The following ERBB4 variants were observed in gnomAD, a reference collection of about 807,000 sequenced individuals.
The protein encoded by ERBB4 is receptor tyrosine-protein kinase erbB-4.
ERBB4 carries 42 observed loss-of-function variants against 158.0 expected under a neutral mutation model. That is an observed-to-expected ratio of 0.27 (90% CI 0.21 to 0.34). The LOEUF (loss-of-function observed/expected upper bound fraction) is 0.34, where lower values mean the gene tolerates loss of function less well. Ranked by LOEUF, ERBB4 falls within the 10% of genes least tolerant of loss-of-function variation. The pLI is 1.00. For missense variants in ERBB4, 1,333 were observed against 1,624.1 expected (o/e 0.82, Z 3.08); for synonymous variants, 583 against 558.7 (o/e 1.04, Z -0.61).
intron 20 of ERBB4, among the ~76,000 whole-genome samples, chr2:211,452,517 T>C (rs1385467584): frequency 1.3e-5 from 2 of 152,286 alleles, no homozygotes; most frequent in East Asian, 3.9e-4. Flanking sequence ...CTTACCATTT[T>C]CTTCAAAATC....
At chr2:211,958,387 T>C (rs938839788) in intron 2 of ERBB4, among the ~76,000 whole-genome samples, 1 of 152,130 alleles carries the variant, frequency 6.6e-6, no homozygotes, top group African/African-American at 2.4e-5. Flanking sequence ...AGTATCCTTA[T>C]GCAAGTCACA....
At chr2:212,268,813 G>A (rs2085243034) in intron 1 of ERBB4, among the ~76,000 whole-genome samples, 1 of 151,778 alleles carries the variant, frequency 6.6e-6, no homozygotes, top group Admixed American at 6.6e-5. Flanking sequence ...TCATGAACTA[G>A]GAGGGATGCT....
chr2:211,964,217 C>A (rs1369113167), intron 2 of ERBB4, among the ~76,000 whole-genome samples: 2 of 152,148 alleles, frequency 1.3e-5, no homozygotes, highest in Non-Finnish European at 2.9e-5. Context: ...CAAGTGACAT[C>A]AATATCCCCT....
At chr2:211,887,279 CAG>C (rs1049675886) in intron 3 of ERBB4, among the ~76,000 whole-genome samples, 3 of 149,468 alleles carry the variant, frequency 2.0e-5, no homozygotes, top group East Asian at 1.9e-4. Context: ...CACACACACA[CAG>C]GTGAGAGAAA....
chr2:211,447,770 T>A (rs752399416), intron 20 of ERBB4, among the ~76,000 whole-genome samples: 3 of 152,158 alleles, frequency 2.0e-5, no homozygotes, highest in African/African-American at 7.2e-5. Context: ...TGTCAGGAGA[T>A]TCAAGCTATT....
At chr2:211,722,049 G>A (rs1442696945) in intron 7 of ERBB4, among the ~76,000 whole-genome samples, 1 of 152,088 alleles carries the variant, frequency 6.6e-6, no homozygotes, top group Non-Finnish European at 1.5e-5. Context: ...TTTCTGTAGA[G>A]ACGGGGTTTC....
intron 2 of ERBB4, among the ~76,000 whole-genome samples, chr2:212,038,314 A>G (rs1174057846): frequency 6.6e-6 from 1 of 152,210 alleles, no homozygotes; most frequent in Admixed American, 6.5e-5. Flanking sequence ...TAGTTCCTTC[A>G]TGATTAATTG....
intron 12 of ERBB4, 94 bp from the exon 13 acceptor site, chr2:211,679,278 T>TA: frequency 7.1e-7 from 1 of 1,403,684 alleles, no homozygotes; most frequent in Admixed American, 1.9e-5. Context: ...GGAGTTCACT[T>TA]AAAAGAGATA....
At chr2:212,098,109 T>C (rs1232088638) in intron 2 of ERBB4, among the ~76,000 whole-genome samples, 1 of 152,178 alleles carries the variant, frequency 6.6e-6, no homozygotes, top group Non-Finnish European at 1.5e-5. Context: ...AAAGTGCTGA[T>C]ACTGATACCA....
chr2:212,082,499 G>C (rs1435754091), intron 2 of ERBB4, among the ~76,000 whole-genome samples: 1 of 151,942 alleles, frequency 6.6e-6, no homozygotes, highest in Non-Finnish European at 1.5e-5. Context: ...CAGTAAAATG[G>C]CATATGTGGG....
intron 16 of ERBB4, among the ~76,000 whole-genome samples, chr2:211,639,787 T>C (rs975624603): frequency 6.6e-6 from 1 of 152,088 alleles, no homozygotes; most frequent in Non-Finnish European, 1.5e-5. Flanking sequence ...AGTGGCGCCA[T>C]CTTGGCTCAC....
At chr2:211,861,398 G>A (rs1473449021) in intron 3 of ERBB4, among the ~76,000 whole-genome samples, 12 of 121,340 alleles carry the variant, frequency 9.9e-5, no homozygotes, top group Non-Finnish European at 1.6e-4. Context: ...GTTTGGCTGT[G>A]TTGCCTAGGC....
chr2:211,692,305 T>C (rs2072853193), intron 12 of ERBB4, among the ~76,000 whole-genome samples: 2 of 152,212 alleles, frequency 1.3e-5, no homozygotes, highest in Admixed American at 1.3e-4. Context: ...AAAAGCTATT[T>C]CTTGGACTTC....
intron 3 of ERBB4, among the ~76,000 whole-genome samples, chr2:211,854,599 T>A (rs976548833): frequency 2.0e-5 from 3 of 152,120 alleles, no homozygotes; most frequent in Non-Finnish European, 2.9e-5. Flanking sequence ...TATGCTTTCA[T>A]CTCTATTCTC....
intron 3 of ERBB4, among the ~76,000 whole-genome samples, chr2:211,824,253 T>C (rs191868317): frequency 1.3e-5 from 2 of 152,170 alleles, no homozygotes; most frequent in East Asian, 3.9e-4. Context: ...AAACAGTATC[T>C]TGTAAATTAA....
chr2:211,668,834 T>G (rs937727819), intron 14 of ERBB4, among the ~76,000 whole-genome samples: 1 of 152,104 alleles, frequency 6.6e-6, no homozygotes, highest in Non-Finnish European at 1.5e-5. Context: ...AGACCCCATG[T>G]AGAAGTGGAA....
At chr2:211,459,401 C>T (rs1255069908) in intron 20 of ERBB4, among the ~76,000 whole-genome samples, 1 of 152,074 alleles carries the variant, frequency 6.6e-6, no homozygotes, top group Non-Finnish European at 1.5e-5. Context: ...GGATCAAAAC[C>T]AAAAGTGAAA....
chr2:211,821,213 T>C (rs910524734), intron 3 of ERBB4, among the ~76,000 whole-genome samples: 4 of 151,650 alleles, frequency 2.6e-5, no homozygotes, highest in Non-Finnish European at 5.9e-5. Flanking sequence ...AAAATCAACA[T>C]ACAAATAACA....
chr2:212,188,233 T>TCTCTCTC (rs1559691540), intron 1 of ERBB4, among the ~76,000 whole-genome samples: 2 of 16,574 alleles, frequency 1.2e-4, no homozygotes, highest in African/African-American at 2.8e-4. Context: ...TCTCTCTCTC[T>TCTCTCTC]CCCCCCCCCT....
Sources: allele counts gnomAD v4.1 joint callset (sites outside exome capture counted in the v4.1 genomes callset), GRCh38; gene constraint gnomAD v4.1.1; transcripts MANE v1.5; gene names NCBI Gene and HGNC (gene_info 2026-07-23, HGNC 2026-07-21).